The following ICA1 variants were observed in gnomAD, a reference collection of about 807,000 sequenced individuals.
The protein encoded by ICA1 is islet cell autoantigen 1.
A neutral mutation model predicts 71.0 loss-of-function variants in ICA1; 40 were observed. The observed-to-expected ratio is 0.56, with a 90% confidence interval of 0.44 to 0.73. The LOEUF (loss-of-function observed/expected upper bound fraction) is 0.73, where lower values mean the gene tolerates loss of function less well. ICA1 is among the 30% of genes least tolerant of loss of function. ICA1 has a pLI of 0.00. For missense variants in ICA1, 578 were observed against 576.5 expected (o/e 1.00, Z -0.03); for synonymous variants, 207 against 209.5 (o/e 0.99, Z 0.10).
At chr7:8,181,363 A>G (rs1399095531) in intron 6 of ICA1, among the ~76,000 whole-genome samples, 2 of 152,190 alleles carry the variant, frequency 1.3e-5, no homozygotes, top group Non-Finnish European at 2.9e-5. Flanking sequence ...CCAATGCCAC[A>G]CTGCCTTAAT....
chr7:8,249,628 T>C (rs1385052855), intron 1 of ICA1, among the ~76,000 whole-genome samples: 1 of 152,232 alleles, frequency 6.6e-6, no homozygotes, highest in Admixed American at 6.5e-5. Context: ...TCCAATTGCA[T>C]GGTACTAATT....
In ICA1 at chr7:8,120,621, G is replaced by A. The variant is rs1344106505; in HGVS notation, c.1331-6577C>T. 3.3e-5 allele frequency among the ~76,000 whole-genome samples: 5 copies of A among 152,206 alleles called. No homozygotes were observed. The East Asian group carries it at 9.6e-4, about 29-fold the overall frequency. ...GTAGTTCTGTCAGGAGAGGGGTGGTGACGAGTGAGCAACCAGGGCACTGAG... is the reference window on the plus strand; with the variant it reads ...GTAGTTCTGTCAGGAGAGGGGTGGTAACGAGTGAGCAACCAGGGCACTGAG... On this transcript the variant is annotated intron_variant, in intron 13 of 13. Coordinates refer to ENST00000402384, the MANE Select transcript of ICA1 (RefSeq NM_001136020.3).
intron 1 of ICA1, among the ~76,000 whole-genome samples, chr7:8,254,532 A>T (rs1159895809): frequency 6.7e-6 from 1 of 149,390 alleles, no homozygotes; most frequent in African/African-American, 2.5e-5. Flanking sequence ...TTGAGAACTA[A>T]TAAAGATCCC....
chr7:8,150,994 C>T (rs1168482309), intron 8 of ICA1, among the ~76,000 whole-genome samples: 2 of 152,134 alleles, frequency 1.3e-5, no homozygotes, highest in African/African-American at 2.4e-5. Context: ...ATTTGAAACA[C>T]GGAAAGAAGA....
chr7:8,247,325 T>C (rs1376972323), intron 1 of ICA1, among the ~76,000 whole-genome samples: 1 of 151,992 alleles, frequency 6.6e-6, no homozygotes, highest in East Asian at 1.9e-4. Flanking sequence ...CTAGACACGG[T>C]GGCACACGCC....
intron 12 of ICA1, among the ~76,000 whole-genome samples, chr7:8,133,528 C>A (rs767999290): frequency 4.6e-5 from 7 of 152,242 alleles, no homozygotes; most frequent in Non-Finnish European, 8.8e-5. Context: ...GGATTACAGG[C>A]ATGAGCCCTT....
Position 8,144,950 on chromosome 7 carries a change from A to C in ICA1, c.805-978T>G, listed in dbSNP as rs1356692712. Among the ~76,000 whole-genome samples, 1 of 151,952 alleles carries C rather than the reference A, an allele frequency of 6.6e-6. No individual in the cohort carries two copies. Among genetic ancestry groups the C allele is most frequent in the Non-Finnish European group, 1.5e-5 (1 of 68,012 alleles). Reference sequence around the variant, plus strand: ...CAATCAGGTTTCATGGCCAATTCTGATTGATTAGTACTGGCTGACTGGAGG... The same window carrying C: ...CAATCAGGTTTCATGGCCAATTCTGCTTGATTAGTACTGGCTGACTGGAGG... On this transcript the variant is annotated intron_variant, in intron 8 of 13. Coordinates refer to ENST00000402384, the MANE Select transcript of ICA1 (RefSeq NM_001136020.3). The surrounding 1 kb of genome is among the most constrained non-coding windows in gnomAD (Gnocchi z 4.5).
At chr7:8,197,708 C>A (rs970041092) in intron 6 of ICA1, among the ~76,000 whole-genome samples, 1 of 151,608 alleles carries the variant, frequency 6.6e-6, no homozygotes, top group East Asian at 1.9e-4. Flanking sequence ...GGGGCACAAA[C>A]GAGAACAAAG....
At chr7:8,155,256 G>A (rs1801083466) in intron 8 of ICA1, among the ~76,000 whole-genome samples, 2 of 152,134 alleles carry the variant, frequency 1.3e-5, no homozygotes, top group African/African-American at 4.8e-5. Context: ...TTTAAGGAAG[G>A]CTCTGGGGAT....
At chr7:8,163,585 C>T (rs745788800) in intron 6 of ICA1, among the ~76,000 whole-genome samples, 1 of 152,140 alleles carries the variant, frequency 6.6e-6, no homozygotes, top group African/African-American at 2.4e-5. Flanking sequence ...TCACATAGTC[C>T]CTCAAGAATG....
chr7:8,132,274 G>C lies in ICA1; in HGVS notation c.1061-4132C>G, dbSNP rs1281445669. ...CTGTTCCCACCATTATTCAGATCCAGCACCTTTAGTCTTTCATTTTCCAAT... is the reference window on the plus strand; with the variant it reads ...CTGTTCCCACCATTATTCAGATCCACCACCTTTAGTCTTTCATTTTCCAAT... On this transcript the variant is annotated intron_variant, in intron 12 of 13. Coordinates refer to ENST00000402384, the MANE Select transcript of ICA1 (RefSeq NM_001136020.3). This position sits in a 1 kb window ranked among gnomAD's most constrained non-coding sequence, Gnocchi z 4.5. 6.6e-6 allele frequency among the ~76,000 whole-genome samples: 1 copy of C among 152,054 alleles called. No individual in the cohort carries two copies. The highest frequency in any genetic ancestry group is 1.5e-5 in the Non-Finnish European group (1 of 68,028).
chr7:8,187,284 C>A (rs1333937049), intron 6 of ICA1, among the ~76,000 whole-genome samples: 2 of 152,142 alleles, frequency 1.3e-5, no homozygotes, highest in African/African-American at 2.4e-5. Context: ...CAAACCTGTA[C>A]AACATGTTAT....
At chr7:8,235,514 T>C (rs996059486) in intron 2 of ICA1, among the ~76,000 whole-genome samples, 12 of 152,206 alleles carry the variant, frequency 7.9e-5, no homozygotes, top group East Asian at 5.8e-4. Context: ...TCGTGTGTGG[T>C]TGTAGAATCA....
chr7:8,198,754 C>T (rs1205484668), intron 6 of ICA1, among the ~76,000 whole-genome samples: 1 of 152,076 alleles, frequency 6.6e-6, no homozygotes, highest in African/African-American at 2.4e-5. Context: ...GGTTTCCAGC[C>T]TCAGTGACAA....
At chr7:8,157,000 C>T in intron 8 of ICA1, 116 bp downstream of exon 8, 1 of 1,594,174 alleles carries the variant, frequency 6.3e-7, no homozygotes, top group Non-Finnish European at 8.6e-7. Flanking sequence ...GCACAGTTCT[C>T]TCTTCAGCAT....
At chr7:8,245,498 T>C (rs1485716143) in intron 1 of ICA1, among the ~76,000 whole-genome samples, 2 of 152,026 alleles carry the variant, frequency 1.3e-5, no homozygotes, top group Non-Finnish European at 2.9e-5. Flanking sequence ...GCATGGCACA[T>C]GTATACTTAT....
chr7:8,242,909 T>C (rs1391590407), intron 1 of ICA1, among the ~76,000 whole-genome samples: 1 of 152,148 alleles, frequency 6.6e-6, no homozygotes, highest in East Asian at 1.9e-4. Context: ...GGCTCTGAAA[T>C]TGAGGCAATA....
At chr7:8,143,547 A>G (rs1252697746) in intron 9 of ICA1, among the ~76,000 whole-genome samples, 1 of 152,196 alleles carries the variant, frequency 6.6e-6, no homozygotes, top group Non-Finnish European at 1.5e-5. Context: ...AGGGTCCAGA[A>G]ACCAGAGAAA....
chr7:8,131,111 C>A (rs1043039380), intron 12 of ICA1, among the ~76,000 whole-genome samples: 1 of 152,160 alleles, frequency 6.6e-6, no homozygotes, highest in South Asian at 2.1e-4. Flanking sequence ...TGGAAGAGGG[C>A]CTCTCTTTCT....
Sources: allele counts gnomAD v4.1 joint callset (sites outside exome capture counted in the v4.1 genomes callset), GRCh38; gene constraint gnomAD v4.1.1; non-coding constraint Gnocchi (gnomAD v3.1); transcripts MANE v1.5; gene names NCBI Gene and HGNC (gene_info 2026-07-23, HGNC 2026-07-21).